IRF2: variants seen among roughly 807,000 people sequenced by gnomAD.
The protein encoded by IRF2 is interferon regulatory factor 2.
IRF2 carries 15 observed loss-of-function variants against 40.6 expected under a neutral mutation model. The observed-to-expected ratio is 0.37, with a 90% CI of 0.25 to 0.57. The LOEUF is 0.57. Ranked by LOEUF, IRF2 falls within the 20% of genes least tolerant of loss-of-function variation. The probability of loss-of-function intolerance (pLI) is 0.77; values close to 1 mark genes in which losing one functional copy is unlikely to be tolerated. For missense variants in IRF2, 317 were observed against 455.7 expected (o/e 0.70, Z 2.77); for synonymous variants, 151 against 165.5 (o/e 0.91, Z 0.67).
chr4:184,436,611 T>G (rs1738088413), intron 1 of IRF2, among the ~76,000 whole-genome samples: 1 of 152,158 alleles, frequency 6.6e-6, no homozygotes. Context: ...AAAGGAAAGC[T>G]TTATGGTAAA....
chr4:184,429,844 C>T (rs375906665), intron 1 of IRF2, among the ~76,000 whole-genome samples: 10 of 152,174 alleles, frequency 6.6e-5, no homozygotes, highest in African/African-American at 2.4e-4. Context: ...CCTGCTGCTT[C>T]CAGATTCCTT....
chr4:184,418,415 T>C, intron 4 of IRF2, 117 bp downstream of exon 4: 6 of 1,054,508 alleles, frequency 5.7e-6, no homozygotes, highest in Non-Finnish European at 5.8e-6. Flanking sequence ...AATGATCCCC[T>C]ACAGCATGAA....
intron 5 of IRF2, among the ~76,000 whole-genome samples, chr4:184,410,450 C>G (rs1737030573): frequency 6.6e-6 from 1 of 152,204 alleles, no homozygotes; most frequent in Non-Finnish European, 1.5e-5. Flanking sequence ...CATGCTATCC[C>G]TCCATGGCGG....
At chr4:184,470,158 C>T (rs1739464957) in intron 1 of IRF2, among the ~76,000 whole-genome samples, 1 of 152,154 alleles carries the variant, frequency 6.6e-6, no homozygotes, top group South Asian at 2.1e-4. Flanking sequence ...AAGGTCCTGA[C>T]CTCCTACCCC....
intron 1 of IRF2, among the ~76,000 whole-genome samples, chr4:184,464,320 G>A (rs72705823): frequency 0.041 from 6,258 of 151,994 alleles, 230 homozygotes; most frequent in African/African-American, 0.09. Flanking sequence ...GAATGTATAG[G>A]GTATGAAGAT....
At chr4:184,425,432 C>T (rs1737632319) in intron 2 of IRF2, among the ~76,000 whole-genome samples, 1 of 152,264 alleles carries the variant, frequency 6.6e-6, no homozygotes, top group South Asian at 2.1e-4. Flanking sequence ...TGTGCACGAG[C>T]AATGCCACGT....
At chr4:184,416,907 A>G (rs1737298212) in intron 5 of IRF2, among the ~76,000 whole-genome samples, 1 of 152,082 alleles carries the variant, frequency 6.6e-6, no homozygotes, top group African/African-American at 2.4e-5. Flanking sequence ...TTAGCTGGGC[A>G]TGGTGGCACG....
rs374437683 is a variant in IRF2 at position 184,447,333 on chromosome 4, A to G, written c.-6-18263T>C. ...CTGAAATGTATTTCTGTCATTGAAC[A>G]AAATTGGAATCTACGAATAAATAAA... On this transcript the variant is annotated intron_variant, in intron 1 of 8. Transcript: ENST00000393593. 2.6e-5 allele frequency among the ~76,000 whole-genome samples: 4 copies of G among 152,364 alleles called. No individual in the cohort carries two copies. The South Asian group carries it at 8.3e-4, about 32-fold the overall frequency.
intron 2 of IRF2, among the ~76,000 whole-genome samples, chr4:184,425,344 C>T (rs1372067672): frequency 6.6e-6 from 1 of 152,214 alleles, no homozygotes; most frequent in Non-Finnish European, 1.5e-5. Context: ...TAAAAAAATG[C>T]CCTGTGGGAG....
intron 7 of IRF2, among the ~76,000 whole-genome samples, chr4:184,397,294 T>C (rs1482032253): frequency 2.6e-5 from 4 of 152,038 alleles, no homozygotes; most frequent in African/African-American, 9.7e-5. Flanking sequence ...ATAGCCAAAT[T>C]CACTGAGATA....
rs991840922 is a variant in IRF2 at position 184,472,158 on chromosome 4, T to C, written c.-7+2221A>G. ...GTCTTAAATATTTCATCTGCTGAAG[T>C]TTCCTCAGAAAAGGCTCCTTTTCCC... is the stretch of plus-strand genomic sequence containing the variant. On this transcript the variant is annotated intron_variant, in intron 1 of 8. Coordinates refer to ENST00000393593, the MANE Select transcript of IRF2 (RefSeq NM_002199.4). The C allele has an allele frequency of 2.6e-5, 4 of 152,216 alleles. No individual in the cohort carries two copies. The East Asian group carries it at 7.7e-4, about 29-fold the overall frequency. 9.4% of individuals were successfully genotyped at this position (152,216 alleles called of 1,614,324 possible). A position where few individuals can be genotyped will look rare whatever the true frequency, so the allele number is the denominator to read the frequency against.
chr4:184,402,480 G>T (rs753172723), intron 6 of IRF2, among the ~76,000 whole-genome samples: 2 of 152,124 alleles, frequency 1.3e-5, no homozygotes, highest in Admixed American at 1.3e-4. Context: ...CTATATACCC[G>T]TATGGAGCTT....
At chr4:184,455,249 C>CCCCCCCCCCTT (rs1554017261) in intron 1 of IRF2, among the ~76,000 whole-genome samples, 644 of 56,160 alleles carry the variant, frequency 0.011, no homozygotes, top group South Asian at 0.017. Context: ...TTCCTCCCCT[C>CCCCCCCCCCTT]CCCTCCCCCT....
chr4:184,436,178 T>C (rs533065135), intron 1 of IRF2, among the ~76,000 whole-genome samples: 1 of 152,306 alleles, frequency 6.6e-6, no homozygotes, highest in South Asian at 2.1e-4. Flanking sequence ...GGTTTCATCA[T>C]GTTGGCCAGG....
chr4:184,400,516 A>G (rs377431566), intron 6 of IRF2, among the ~76,000 whole-genome samples: 141 of 152,244 alleles, frequency 9.3e-4, no homozygotes, highest in African/African-American at 2.9e-3. Context: ...TAATGCTGCT[A>G]TGGATGTTTG....
chr4:184,431,247 TCATTCATTCATTTGTTC>T (rs1435867942), intron 1 of IRF2, among the ~76,000 whole-genome samples: 3 of 152,236 alleles, frequency 2.0e-5, no homozygotes, highest in South Asian at 2.1e-4. Flanking sequence ...GCTCTTGGTC[TCATTCATTCATTTGTTC>T]CATTCATTCA....
intron 1 of IRF2, among the ~76,000 whole-genome samples, chr4:184,470,390 T>C (rs1328903944): frequency 4.6e-5 from 7 of 152,138 alleles, no homozygotes; most frequent in Non-Finnish European, 8.8e-5. Flanking sequence ...TGAGCCAAGA[T>C]GGTAAAGCAG....
intron 1 of IRF2, among the ~76,000 whole-genome samples, chr4:184,442,394 G>C (rs1738344818): frequency 6.6e-6 from 1 of 152,158 alleles, no homozygotes; most frequent in Non-Finnish European, 1.5e-5. Flanking sequence ...GGATGCAGAT[G>C]AATCAGTTGT....
At chr4:184,436,344 C>G (rs556921520) in intron 1 of IRF2, among the ~76,000 whole-genome samples, 30 of 152,280 alleles carry the variant, frequency 2.0e-4, no homozygotes, top group African/African-American at 7.2e-4. Flanking sequence ...CACATTGTTA[C>G]AAGGAACTGT....
Sources: gnomAD v4.1 joint callset for allele counts (sites outside exome capture counted in the v4.1 genomes callset) on GRCh38, gnomAD v4.1.1 for gene constraint, MANE v1.5 for transcripts, NCBI Gene and HGNC (gene_info 2026-07-23, HGNC 2026-07-21) for gene names.